Variants in RYR3 observed in about 807,000 individuals in gnomAD.
The protein encoded by RYR3 is brain ryanodine receptor-calcium release channel.
Under a neutral mutation model 584.3 loss-of-function variants are expected in RYR3, and 207 were observed. That is an observed-to-expected ratio of 0.35 (90% CI 0.32 to 0.40). The LOEUF (loss-of-function observed/expected upper bound fraction) is 0.40, where lower values mean the gene tolerates loss of function less well. RYR3 is among the 10% of genes least tolerant of loss of function. The pLI is 1.00. For missense variants in RYR3, 5,616 were observed against 6,089.2 expected (o/e 0.92, Z 2.59); for synonymous variants, 2,416 against 2,248.5 (o/e 1.07, Z -2.11).
intron 1 of RYR3, among the ~76,000 whole-genome samples, chr15:33,450,015 A>G (rs2046977620): frequency 6.7e-6 from 1 of 148,904 alleles, no homozygotes; most frequent in Admixed American, 6.8e-5. Context: ...TCTAGAGGCA[A>G]AGTATCCATA....
intron 2 of RYR3, among the ~76,000 whole-genome samples, chr15:33,483,756 T>C (rs959222761): frequency 3.3e-5 from 5 of 152,190 alleles, no homozygotes; most frequent in African/African-American, 1.2e-4. Context: ...TTGAGGGGAA[T>C]TTGTATACTG....
intron 1 of RYR3, among the ~76,000 whole-genome samples, chr15:33,319,231 G>A (rs781600307): frequency 2.0e-5 from 3 of 152,190 alleles, no homozygotes; most frequent in Non-Finnish European, 2.9e-5. Context: ...GATTTGAATC[G>A]TGTTGCTCTA....
chr15:33,427,604 T>C (rs1567215210), intron 1 of RYR3, among the ~76,000 whole-genome samples: 1 of 152,216 alleles, frequency 6.6e-6, no homozygotes, highest in East Asian at 1.9e-4. Context: ...ACTCTTGACT[T>C]TATTTTCTGG....
At chr15:33,548,069 C>A in intron 8 of RYR3, 61 bp from the exon 9 acceptor site, 1 of 1,251,456 alleles carries the variant, frequency 8.0e-7, no homozygotes, top group Non-Finnish European at 1.2e-6. Flanking sequence ...GGGAGCTGTT[C>A]TTCACCCGGG....
At chr15:33,626,228 C>G (rs2060978056) in intron 20 of RYR3, among the ~76,000 whole-genome samples, 1 of 152,154 alleles carries the variant, frequency 6.6e-6, no homozygotes, top group African/African-American at 2.4e-5. Flanking sequence ...TGGCTTTGAC[C>G]AAAGTGCTGA....
chr15:33,382,087 G>T (rs1595911262), intron 1 of RYR3, among the ~76,000 whole-genome samples: 1 of 152,232 alleles, frequency 6.6e-6, no homozygotes, highest in East Asian at 1.9e-4. Flanking sequence ...GCCAAAGAGG[G>T]CACTGCAAGC....
intron 34 of RYR3, among the ~76,000 whole-genome samples, 190 bp downstream of exon 34, chr15:33,660,613 G>C (rs11072590): frequency 0.18 from 27,151 of 152,220 alleles, 2,565 homozygotes; most frequent in East Asian, 0.28. Context: ...AAACACACTA[G>C]GAGGTGCCTG....
chr15:33,630,071 A>G, intron 22 of RYR3, 28 bp downstream of exon 22: 1 of 1,279,588 alleles, frequency 7.8e-7, no homozygotes, highest in Non-Finnish European at 1.1e-6. Context: ...CTGAAGTTTT[A>G]CAAACAATGA....
chr15:33,724,144 G>C lies in RYR3; in HGVS notation c.6880G>C (p.Asp2294His). The C allele has an allele frequency of 6.2e-7, 1 of 1,610,546 alleles. No individual in the cohort carries two copies. The highest frequency in any genetic ancestry group is 8.5e-7 in the Non-Finnish European group (1 of 1,177,108). Residue 2294 changes from aspartate (D) to histidine (H), a missense_variant, in exon 45 of 104, where the codon GAT (aspartate) becomes CAT (histidine). Asp to His is a moderately conservative substitution (Grantham distance 81). Transcript: ENST00000634891. ...TATGTCATTTTATTCGGCCCTTATA[G>C]ATCTACTGGGCCGCTGTGCTCCTGA... ...AIMSFYSALI[D>H]LLGRCAPEMH... is the part of the protein sequence containing the mutation.
At chr15:33,649,306 A>T in intron 31 of RYR3, 71 bp downstream of exon 31, 1 of 1,407,844 alleles carries the variant, frequency 7.1e-7, no homozygotes, top group Non-Finnish European at 9.8e-7. Context: ...TTTTTCTTCC[A>T]CCCCACACCC....
chr15:33,385,710 C>CTTTTA (rs2041550458), intron 1 of RYR3, among the ~76,000 whole-genome samples: 5 of 131,402 alleles, frequency 3.8e-5, no homozygotes, highest in Non-Finnish European at 6.2e-5. Flanking sequence ...TTTTTCTTTT[C>CTTTTA]TTTTTTTTTT....
intron 1 of RYR3, among the ~76,000 whole-genome samples, chr15:33,420,411 G>A (rs2044157997): frequency 6.6e-6 from 1 of 152,176 alleles, no homozygotes; most frequent in African/African-American, 2.4e-5. Context: ...GATGTTACTT[G>A]TAAGTTGATT....
At chr15:33,832,563 G>A (rs1170712953) in intron 86 of RYR3, among the ~76,000 whole-genome samples, 3 of 150,344 alleles carry the variant, frequency 2.0e-5, no homozygotes, top group Admixed American at 2.0e-4. Flanking sequence ...GGCTGAGGCA[G>A]GGAGAATTGC....
intron 78 of RYR3, 93 bp downstream of exon 78, chr15:33,820,905 T>TTAGCTGTGG: frequency 9.4e-6 from 1 of 106,570 alleles, no homozygotes; most frequent in Non-Finnish European, 1.3e-5. Flanking sequence ...CTATTGAGCA[T>TTAGCTGTGG]TTCCTGCATT....
At chr15:33,421,259 T>C (rs965200248) in intron 1 of RYR3, among the ~76,000 whole-genome samples, 1 of 152,148 alleles carries the variant, frequency 6.6e-6, no homozygotes, top group East Asian at 1.9e-4. Flanking sequence ...GTAAGGTATT[T>C]AGAAGGACCT....
chr15:33,668,063 G>GAAAAAAAAAA (rs35864583), intron 36 of RYR3, among the ~76,000 whole-genome samples: 45 of 97,616 alleles, frequency 4.6e-4, no homozygotes, highest in African/African-American at 1.8e-3. Flanking sequence ...ACTCAGTCTT[G>GAAAAAAAAAA]AAAAAAAAAA....
At chr15:33,349,568 T>C (rs1436564617) in intron 1 of RYR3, among the ~76,000 whole-genome samples, 1 of 151,870 alleles carries the variant, frequency 6.6e-6, no homozygotes, top group East Asian at 1.9e-4. Flanking sequence ...CTCCCATTTG[T>C]GTACCTTCTT....
At chr15:33,831,141 T>G in intron 86 of RYR3, 50 bp downstream of exon 86, 1 of 1,559,810 alleles carries the variant, frequency 6.4e-7, no homozygotes, top group South Asian at 1.1e-5. Context: ...ATTGTTGATA[T>G]GCCTGTATTC....
Position 33,662,840 on chromosome 15 carries a change from A to C in RYR3, c.5310A>C (p.Glu1770Asp). 2 of 1,613,892 alleles carry C rather than the reference A, an allele frequency of 1.2e-6. No homozygotes were observed. The highest frequency in any genetic ancestry group is 1.7e-6 in the Non-Finnish European group (2 of 1,179,858). Residue 1770 changes from glutamate (E) to aspartate (D), a missense_variant, in exon 35 of 104, where the codon GAA becomes GAC. Transcript: ENST00000634891. ...CAGAGGAGGGAGCAGAAAAGGAGGA[A>C]GTGACCCAGGTGGAGGAGAAGGCTG... ...AGTEEGAEKE[E>D]VTQVEEKAVE...
Sources: gnomAD v4.1 joint callset for allele counts (sites outside exome capture counted in the v4.1 genomes callset) on GRCh38, gnomAD v4.1.1 for gene constraint, MANE v1.5 for transcripts, NCBI Gene and HGNC (gene_info 2026-07-23, HGNC 2026-07-21) for gene names.